The following SLC6A13 variants were observed in gnomAD, a reference collection of about 807,000 sequenced individuals.
SLC6A13 encodes solute carrier family 6 member 13.
In SLC6A13, 69 loss-of-function variants were observed where a neutral mutation model predicts 72.9. That is an observed-to-expected ratio of 0.95 (90% confidence interval 0.78 to 1.16). SLC6A13 has a LOEUF of 1.16. Ranked by LOEUF, SLC6A13 falls within the 50% of genes most tolerant of loss-of-function variation. The pLI is 0.00. For synonymous variants in SLC6A13, 303 were observed against 303.0 expected (o/e 1.00, Z 0.00); for missense variants, 735 against 760.5 (o/e 0.97, Z 0.39).
rs1360628116 is a variant in SLC6A13 at position 235,336 on chromosome 12, T to C, written c.697-112A>G. On this transcript the variant is annotated intron_variant, in intron 6 of 14. Transcript: ENST00000343164. ...CTCCTCAGAAAAGGTCAAGGGAGTG[T>C]TCCTCCTGCTCCCAGCTCATCCACA... The C allele has an allele frequency of 4.8e-6, 5 of 1,036,200 alleles. No homozygotes were observed. In the African/African-American group the frequency reaches 6.3e-5, roughly 13 times the overall value. The allele number at this position is 1,036,200 out of a possible 1,614,324, so 64.2% of individuals were successfully genotyped here. A position where few individuals can be genotyped will look rare whatever the true frequency, so the allele number is the denominator to read the frequency against.
In SLC6A13 at chr12:254,026, G is replaced by A. The variant is rs188602387; in HGVS notation, c.202+5825C>T. 3.3e-5 allele frequency among the ~76,000 whole-genome samples: 5 copies of A among 152,304 alleles called. No individual in the cohort carries two copies. The highest frequency in any genetic ancestry group is 3.3e-4 in the Admixed American group (5 of 15,302). On this transcript the variant is annotated intron_variant, in intron 2 of 14. Transcript: ENST00000343164. This position sits in a 1 kb window ranked among gnomAD's most constrained non-coding sequence, Gnocchi z 4.4. ...AGTCCTATGACCAGAACCCTCTCCC[G>A]CTACCTTCTTCCCACATCACGCCTC...
intron 13 of SLC6A13, among the ~76,000 whole-genome samples, chr12:221,982 C>A (rs530456862): frequency 1.3e-5 from 2 of 152,216 alleles, no homozygotes; most frequent in Non-Finnish European, 2.9e-5. Flanking sequence ...AAGGAAGCTG[C>A]GCGTTGTGGT....
intron 2 of SLC6A13, among the ~76,000 whole-genome samples, chr12:251,190 A>G (rs78494986): frequency 0.052 from 7,918 of 152,040 alleles, 564 homozygotes; most frequent in East Asian, 0.31. Context: ...TTTGAAAAAG[A>G]AGAACTGAAG....
chr12:251,774 G>A (rs1259399578), intron 2 of SLC6A13, among the ~76,000 whole-genome samples: 2 of 151,618 alleles, frequency 1.3e-5, no homozygotes, highest in East Asian at 1.9e-4. Flanking sequence ...GCAACATAGT[G>A]AGACCTCGTC....
chr12:243,506 T>C (rs1049404297), intron 3 of SLC6A13, among the ~76,000 whole-genome samples, 173 bp downstream of exon 3: 4 of 152,202 alleles, frequency 2.6e-5, no homozygotes, highest in African/African-American at 9.7e-5. Flanking sequence ...TCTTGCCCAT[T>C]CTCTGATAGA....
In SLC6A13 at chr12:220,888, C is replaced by T. The variant is rs980663977; in HGVS notation, c.*60G>A. On this transcript the variant is annotated 3_prime_UTR_variant, in exon 15 of 15. Coordinates refer to ENST00000343164, the MANE Select transcript of SLC6A13 (RefSeq NM_016615.5). The stretch of plus-strand genomic sequence containing the variant: ...GAAGCACATGGGGCTGCTTCTGCCA[C>T]GTTCCCTCCACAGCCATCCCCAAGG... The T allele has an allele frequency of 1.1e-5, 17 of 1,599,164 alleles. No homozygotes were observed. In the African/African-American group the frequency reaches 1.2e-4, roughly 11 times the overall value.
chr12:252,206 A>C (rs1942579671), intron 2 of SLC6A13, among the ~76,000 whole-genome samples: 1 of 152,226 alleles, frequency 6.6e-6, no homozygotes. Context: ...ACGCAAACTA[A>C]GGTATGGTGG....
At chr12:233,920 C>G (rs971923149) in intron 7 of SLC6A13, among the ~76,000 whole-genome samples, 2 of 152,066 alleles carry the variant, frequency 1.3e-5, no homozygotes, top group Non-Finnish European at 2.9e-5. Context: ...AAGCTGAGAC[C>G]CACTGGGGCT....
intron 2 of SLC6A13, among the ~76,000 whole-genome samples, chr12:246,662 C>G (rs1092214): frequency 6.6e-6 from 1 of 152,360 alleles, no homozygotes; most frequent in East Asian, 1.9e-4. Context: ...AAGAAAAGAT[C>G]AGTGACCTTG....
intron 5 of SLC6A13, 105 bp from the exon 6 acceptor site, chr12:237,395 A>G (rs556672832): frequency 7.8e-7 from 1 of 1,277,598 alleles, no homozygotes; most frequent in Non-Finnish European, 1.1e-6. Flanking sequence ...CTCTTGTCCA[A>G]AGGCTTCTCT....
chr12:238,083 G>C (rs1162924732), intron 4 of SLC6A13, 73 bp from the exon 5 acceptor site: 1 of 1,583,812 alleles, frequency 6.3e-7, no homozygotes, highest in African/African-American at 1.3e-5. Flanking sequence ...GGAGAGTGGG[G>C]TGAAATTCTA....
chr12:233,825 C>T (rs1941815836), intron 7 of SLC6A13, among the ~76,000 whole-genome samples: 1 of 152,088 alleles, frequency 6.6e-6, no homozygotes, highest in Non-Finnish European at 1.5e-5. Context: ...CAGTGTCAGA[C>T]ACCTTATGAC....
intron 13 of SLC6A13, 27 bp downstream of exon 13, chr12:222,505 C>T (rs772607598): frequency 5.4e-6 from 8 of 1,485,434 alleles, no homozygotes; most frequent in Admixed American, 1.8e-5. Flanking sequence ...CTCCCTTCAT[C>T]TGACTTTATC....
intron 2 of SLC6A13, among the ~76,000 whole-genome samples, chr12:250,658 G>C (rs976807317): frequency 2.0e-5 from 3 of 151,980 alleles, no homozygotes; most frequent in Admixed American, 6.6e-5. Flanking sequence ...AATAAATGGA[G>C]AGTCATACCA....
intron 2 of SLC6A13, among the ~76,000 whole-genome samples, chr12:251,081 G>A (rs551420308): frequency 1.1e-4 from 17 of 151,858 alleles, no homozygotes; most frequent in African/African-American, 2.2e-4. Context: ...GCGTGAACCC[G>A]GGAGGCGGAG....
At chr12:242,128 C>T (rs556883386) in intron 4 of SLC6A13, among the ~76,000 whole-genome samples, 4 of 152,174 alleles carry the variant, frequency 2.6e-5, no homozygotes, top group East Asian at 1.9e-4. Context: ...TGTCATTAAG[C>T]GACACGTGAC....
At chr12:240,756 G>C (rs970715444) in intron 4 of SLC6A13, among the ~76,000 whole-genome samples, 7 of 152,216 alleles carry the variant, frequency 4.6e-5, no homozygotes, top group Non-Finnish European at 1.0e-4. Context: ...TGCCATCCTG[G>C]GGTGTCGGAG....
chr12:237,324 T>C lies in SLC6A13; in HGVS notation c.564-34A>G, dbSNP rs2289956. On this transcript the variant is annotated intron_variant, in intron 5 of 14. Coordinates refer to ENST00000343164, the MANE Select transcript of SLC6A13 (RefSeq NM_016615.5). ...AGAAGGGTTGAACCTGGCTTACTTT[T>C]TCTGCCAGCCTCAGTTTTGTGGCCC... 3,579 of 1,611,148 alleles carry C rather than the reference T, an allele frequency of 2.2e-3. 100 individuals are homozygous for C. The East Asian group carries it at 0.064, about 29-fold the overall frequency.
intron 7 of SLC6A13, among the ~76,000 whole-genome samples, chr12:232,427 C>T (rs1368450292): frequency 1.3e-5 from 2 of 152,232 alleles, no homozygotes; most frequent in Non-Finnish European, 2.9e-5. Flanking sequence ...ACAACTCCTG[C>T]TCGCCACCTA....
Sources: gnomAD v4.1 joint callset for allele counts (sites outside exome capture counted in the v4.1 genomes callset) on GRCh38, gnomAD v4.1.1 for gene constraint, Gnocchi (gnomAD v3.1) non-coding constraint, MANE v1.5 for transcripts, NCBI Gene and HGNC (gene_info 2026-07-23, HGNC 2026-07-21) for gene names.